Variants in ZFPM2 observed in about 807,000 individuals in gnomAD.
The protein encoded by ZFPM2 is zinc finger protein ZFPM2.
In ZFPM2, 20 loss-of-function variants were observed where a neutral mutation model predicts 98.6. The ratio of observed to expected loss-of-function variants is 0.20; its 90% confidence interval spans 0.14 to 0.29. The LOEUF (loss-of-function observed/expected upper bound fraction) is 0.29. ZFPM2 is among the 10% of genes least tolerant of loss of function. The pLI, the probability that ZFPM2 is intolerant of heterozygous loss-of-function variation, is 1.00. For synonymous variants in ZFPM2, 518 were observed against 502.7 expected, an observed-to-expected ratio of 1.03 and a Z score of -0.41; for missense variants, 1,310 against 1,388.6, an observed-to-expected ratio of 0.94 and a Z score of 0.90.
intron 5 of ZFPM2, among the ~76,000 whole-genome samples, chr8:105,670,221 G>A (rs1283737876): frequency 1.3e-5 from 2 of 152,078 alleles, no homozygotes; most frequent in African/African-American, 4.8e-5. Context: ...AACTGGCCAG[G>A]CACAGTGGCT....
intron 3 of ZFPM2, among the ~76,000 whole-genome samples, chr8:105,489,465 TA>T (rs200643207): frequency 0.13 from 10,463 of 78,854 alleles, 442 homozygotes; most frequent in Admixed American, 0.21. Context: ...TATATATATA[TA>T]TTTTTTTTTT....
chr8:105,769,730 A>T (rs1287635763), intron 5 of ZFPM2, among the ~76,000 whole-genome samples: 1 of 151,544 alleles, frequency 6.6e-6, no homozygotes, highest in Non-Finnish European at 1.5e-5. Context: ...CCTTAGCCTG[A>T]CCCTACCTCT....
rs185357268 is a variant in ZFPM2 at position 105,702,569 on chromosome 8, G to A, written c.532+68212G>A. 1.9e-3 allele frequency among the ~76,000 whole-genome samples: 291 copies of A among 152,288 alleles called. 5 individuals are homozygous for A. Among genetic ancestry groups the A allele is most frequent in the Admixed American group, 0.019 (287 of 15,304 alleles). On this transcript the variant is annotated intron_variant, in intron 5 of 7. Coordinates refer to ENST00000407775, the MANE Select transcript of ZFPM2 (RefSeq NM_012082.4). ...AGAACAGAGCTTTTCCCAGGAAAAT[G>A]TTCTTTAACGGCAAACCAAAATTAT...
intron 5 of ZFPM2, among the ~76,000 whole-genome samples, chr8:105,720,548 A>C (rs546752345): frequency 6.6e-6 from 1 of 152,036 alleles, no homozygotes; most frequent in African/African-American, 2.4e-5. Context: ...TCAAAACCTT[A>C]GAGCTGCAGA....
At chr8:105,621,229 G>T (rs540632293) in intron 4 of ZFPM2, among the ~76,000 whole-genome samples, 1 of 152,216 alleles carries the variant, frequency 6.6e-6, no homozygotes, top group East Asian at 1.9e-4. Context: ...AGTTCTCCTT[G>T]AAGAGTCCTT....
In ZFPM2 at chr8:105,362,696, G is replaced by A. The variant is rs113998082; in HGVS notation, c.40+43715G>A. On this transcript the variant is annotated intron_variant, in intron 1 of 7. Coordinates refer to ENST00000407775, the MANE Select transcript of ZFPM2 (RefSeq NM_012082.4). The stretch of plus-strand genomic sequence containing the variant: ...GGTGTTCCCCTGAGTGAATAAATGC[G>A]CGGAAAGTCTGAGTGTACACAATAT... Among the ~76,000 whole-genome samples the A allele has an allele frequency of 2.4e-3, 361 of 152,228 alleles. 2 individuals carry two copies. The highest frequency in any genetic ancestry group is 7.9e-3 in the African/African-American group (328 of 41,538).
At chr8:105,375,953 C>T (rs1287349419) in intron 1 of ZFPM2, among the ~76,000 whole-genome samples, 1 of 152,144 alleles carries the variant, frequency 6.6e-6, no homozygotes, top group Non-Finnish European at 1.5e-5. Flanking sequence ...TTCTTAACCC[C>T]ATATACCACC....
intron 4 of ZFPM2, among the ~76,000 whole-genome samples, chr8:105,575,882 G>A (rs949259629): frequency 1.4e-4 from 22 of 152,132 alleles, no homozygotes; most frequent in Admixed American, 3.9e-4. Context: ...GCAGGCCTTT[G>A]GATCCACATA....
chr8:105,684,729 C>T (rs1432751088), intron 5 of ZFPM2, among the ~76,000 whole-genome samples: 2 of 152,062 alleles, frequency 1.3e-5, no homozygotes, highest in Non-Finnish European at 2.9e-5. Flanking sequence ...ACTAACTCTT[C>T]TCAACTAACA....
At chr8:105,333,065 T>C (rs1812262513) in intron 1 of ZFPM2, among the ~76,000 whole-genome samples, 1 of 151,670 alleles carries the variant, frequency 6.6e-6, no homozygotes, top group Non-Finnish European at 1.5e-5. Context: ...GCTTTGATCC[T>C]ACCAAATTCC....
intron 5 of ZFPM2, among the ~76,000 whole-genome samples, chr8:105,639,477 C>T (rs13264377): frequency 0.11 from 16,607 of 152,118 alleles, 1,082 homozygotes; most frequent in South Asian, 0.22. Context: ...CCCTCACTCT[C>T]ACCTCAACAA....
At chr8:105,498,767 A>T (rs886930940) in intron 3 of ZFPM2, among the ~76,000 whole-genome samples, 1 of 152,126 alleles carries the variant, frequency 6.6e-6, no homozygotes, top group African/African-American at 2.4e-5. Flanking sequence ...GGTTGGGAGG[A>T]TGGGCAGTGA....
chr8:105,337,894 T>A (rs1232265704), intron 1 of ZFPM2, among the ~76,000 whole-genome samples: 1 of 151,762 alleles, frequency 6.6e-6, no homozygotes, highest in Non-Finnish European at 1.5e-5. Flanking sequence ...CTCAAAATGA[T>A]AATGGTCATG....
At chr8:105,715,911 C>T (rs540848467) in intron 5 of ZFPM2, among the ~76,000 whole-genome samples, 8 of 152,012 alleles carry the variant, frequency 5.3e-5, no homozygotes, top group African/African-American at 1.2e-4. Flanking sequence ...GTGATTCATA[C>T]GGAGTGTCTA....
intron 5 of ZFPM2, among the ~76,000 whole-genome samples, chr8:105,731,089 C>T (rs1811924827): frequency 6.6e-6 from 1 of 151,786 alleles, no homozygotes; most frequent in East Asian, 2.0e-4. Context: ...TTGCTGTTCA[C>T]TTACATGTGG....
chr8:105,508,357 C>T (rs1377164561), intron 3 of ZFPM2, among the ~76,000 whole-genome samples: 9 of 152,056 alleles, frequency 5.9e-5, no homozygotes, highest in Admixed American at 4.6e-4. Context: ...TGCTGGTAGC[C>T]GACCCCTACC....
chr8:105,341,580 GATATATCCTCATTTT>G (rs1812432482), intron 1 of ZFPM2, among the ~76,000 whole-genome samples: 1 of 151,732 alleles, frequency 6.6e-6, no homozygotes, highest in African/African-American at 2.4e-5. Context: ...TAACACAGTT[GATATATCCTCATTTT>G]ATATATATAT....
intron 3 of ZFPM2, among the ~76,000 whole-genome samples, chr8:105,518,318 A>G (rs1813980329): frequency 6.6e-6 from 1 of 152,198 alleles, no homozygotes; most frequent in South Asian, 2.1e-4. Context: ...ATCTATTAAC[A>G]TAGATACAAT....
intron 1 of ZFPM2, among the ~76,000 whole-genome samples, chr8:105,356,386 T>G (rs2129736301): frequency 6.6e-6 from 1 of 152,350 alleles, no homozygotes; most frequent in South Asian, 2.1e-4. Flanking sequence ...AATTAAATAT[T>G]AATAAATGGC....
Sources: gnomAD v4.1 joint callset for allele counts (sites outside exome capture counted in the v4.1 genomes callset) on GRCh38, gnomAD v4.1.1 for gene constraint, MANE v1.5 for transcripts, NCBI Gene and HGNC (gene_info 2026-07-23, HGNC 2026-07-21) for gene names.